Variants in STAG2 observed in about 807,000 individuals in gnomAD.
STAG2 encodes STAG2 cohesin complex component.
STAG2 carries 14 observed loss-of-function variants against 108.1 expected under a neutral mutation model. The observed-to-expected ratio is 0.13, with a 90% CI of 0.09 to 0.20. STAG2 has a LOEUF of 0.20. STAG2 is among the 10% of genes least tolerant of loss of function. STAG2 has a pLI of 1.00. For missense variants in STAG2, 440 were observed against 940.9 expected (o/e 0.47, Z 6.96); for synonymous variants, 307 against 302.7 (o/e 1.01, Z -0.15).
At chrX:124,078,351 T>G (rs2058853073) in intron 27 of STAG2, among the ~76,000 whole-genome samples, 1 of 105,566 alleles carries the variant, frequency 9.5e-6, no homozygotes, top group African/African-American at 3.3e-5. Flanking sequence ...AATCTACTCT[T>G]TTATCCAAGG....
At chrX:124,022,722 A>T in intron 3 of STAG2, 51 bp downstream of exon 3, 2 of 847,560 alleles carry the variant, frequency 2.4e-6, no homozygotes, top group Non-Finnish European at 3.3e-6. Flanking sequence ...ATTCCACAAA[A>T]TGGGGAATGC....
rs759308864 is a variant in STAG2, at chrX:124,083,639, A to AATAATG, written c.3053+90_3053+91insATAATG. The stretch of plus-strand genomic sequence containing the variant: ...CTTGGTTTCTCTCCTTTCTACTCAC[A>AATAATG]CAGAATTGTAGGATTGCATTAATAC... On this transcript the variant is annotated intron_variant, in intron 29 of 34. Transcript: ENST00000371145. The AATAATG allele has an allele frequency of 2.2e-4, 166 of 769,315 alleles. 2 individuals carry two copies. The South Asian group carries it at 5.0e-3, about 23-fold the overall frequency. 63.4% of individuals were successfully genotyped at this position (769,315 alleles called of 1,213,427 possible).
chrX:124,086,985 TAACAC>T (rs2059123756), intron 30 of STAG2, among the ~76,000 whole-genome samples: 1 of 112,544 alleles, frequency 8.9e-6, no homozygotes. Context: ...TGACAGTACT[TAACAC>T]AGAGAGGTTA....
At chrX:123,992,482 C>G (rs749654994) in intron 1 of STAG2, among the ~76,000 whole-genome samples, 2 of 109,771 alleles carry the variant, frequency 1.8e-5, no homozygotes, top group South Asian at 3.9e-4. Context: ...TCTAAGTTTA[C>G]TGCACTCGAA....
At chrX:124,081,909 G>A (rs939877193) in intron 28 of STAG2, among the ~76,000 whole-genome samples, 2 of 111,613 alleles carry the variant, frequency 1.8e-5, no homozygotes, top group African/African-American at 3.3e-5. Context: ...AGAATGGCTC[G>A]AACCTTGGAG....
chrX:124,101,240 T>C lies in STAG2; in HGVS notation c.*643T>C, dbSNP rs1386323197. On this transcript the variant is annotated 3_prime_UTR_variant, in exon 35 of 35. Coordinates refer to ENST00000371145, the MANE Select transcript of STAG2 (RefSeq NM_001042750.2). ...AGCTTCTCTATACTTTTCAGAAATA[T>C]CCAGATGCAGTGAACTGCCAGAAGG... 2.0e-5 allele frequency: 3 copies of C among 151,383 alleles called. No individual in the cohort carries two copies. Among genetic ancestry groups the C allele is most frequent in the East Asian group, 2.0e-4 (2 of 9,864 alleles). 12.5% of individuals were successfully genotyped at this position (151,383 alleles called of 1,213,427 possible).
chrX:124,092,675 T>G, intron 32 of STAG2, among the ~76,000 whole-genome samples: 1 of 112,679 alleles, frequency 8.9e-6, no homozygotes, highest in South Asian at 3.6e-4. Context: ...CATCTTACAA[T>G]GATTTTTCTA....
intron 1 of STAG2, among the ~76,000 whole-genome samples, chrX:124,021,165 A>G (rs942970071): frequency 1.8e-5 from 2 of 112,143 alleles, no homozygotes; most frequent in Admixed American, 9.5e-5. Flanking sequence ...AGGAAATACA[A>G]TGTTTTGAAC....
chrX:124,061,890 T>G lies in STAG2; in HGVS notation c.1638+16T>G, dbSNP rs1331652357. The G allele has an allele frequency of 9.2e-7, 1 of 1,083,472 alleles. No individual in the cohort carries two copies. Among genetic ancestry groups the G allele is most frequent in the South Asian group, 2.1e-5 (1 of 48,598 alleles). 89.3% of individuals were successfully genotyped at this position (1,083,472 alleles called of 1,213,427 possible). On this transcript the variant is annotated intron_variant, in intron 17 of 34. Transcript: ENST00000371145. ...AGGAAAAAGGGTATGCCAATCAATG[T>G]CTTTTCAATATTCTAAACTCCATTT...
intron 7 of STAG2, 138 bp from the exon 8 acceptor site, chrX:124,045,026 C>A: frequency 1.9e-6 from 1 of 514,343 alleles, no homozygotes; most frequent in Non-Finnish European, 3.3e-6. Flanking sequence ...TGTTCTCTTG[C>A]CTACTTTGAG....
intron 1 of STAG2, among the ~76,000 whole-genome samples, chrX:124,020,929 C>T (rs1254165147): frequency 1.8e-5 from 2 of 111,909 alleles, no homozygotes; most frequent in East Asian, 5.7e-4. Context: ...GCCTTGGCCT[C>T]CCAAAGTGCT....
At chrX:123,967,080 T>C (rs1320537883) in intron 1 of STAG2, among the ~76,000 whole-genome samples, 1 of 109,375 alleles carries the variant, frequency 9.1e-6, no homozygotes, top group Non-Finnish European at 1.9e-5. Context: ...AGACAGAGTT[T>C]CACCATGTTG....
chrX:124,034,810 T>C (rs991819729), intron 5 of STAG2, among the ~76,000 whole-genome samples: 5 of 111,180 alleles, frequency 4.5e-5, no homozygotes, highest in African/African-American at 1.6e-4. Flanking sequence ...TCAAAGATCA[T>C]GTGTTATTCA....
intron 33 of STAG2, among the ~76,000 whole-genome samples, chrX:124,095,013 C>T (rs766229876): frequency 1.8e-5 from 2 of 110,786 alleles, no homozygotes; most frequent in African/African-American, 3.3e-5. Context: ...CTGCAAGCTC[C>T]ACCTCCTGGG....
At chrX:124,063,022 A>C (rs770344342) in intron 18 of STAG2, 28 bp downstream of exon 18, 4 of 1,188,844 alleles carry the variant, frequency 3.4e-6, no homozygotes, top group Non-Finnish European at 4.6e-6. Context: ...TCATAGTGTT[A>C]CTAAGAAATG....
intron 32 of STAG2, 49 bp from the exon 33 acceptor site, chrX:124,093,969 A>G (rs371261660): frequency 1.1e-5 from 13 of 1,192,328 alleles, no homozygotes; most frequent in African/African-American, 1.8e-5. Flanking sequence ...CTAGATATTA[A>G]TAGTCACGAC....
rs2056796083 is a variant in STAG2 at position 124,018,224 on chromosome X, C to T, written c.-162-3143C>T. 2.7e-5 allele frequency among the ~76,000 whole-genome samples: 3 copies of T among 112,138 alleles called. No homozygotes were observed. The Admixed American group carries it at 2.8e-4, about 11-fold the overall frequency. On this transcript the variant is annotated intron_variant, in intron 1 of 34. Coordinates refer to ENST00000371145, the MANE Select transcript of STAG2 (RefSeq NM_001042750.2). The stretch of plus-strand genomic sequence containing the variant: ...AAACCTCAAAAGTTTTTTCTAGACA[C>T]TAGGAGAGAGCTCCACCTTGTGATC...
At chrX:123,967,133 C>T (rs1242284847) in intron 1 of STAG2, among the ~76,000 whole-genome samples, 2 of 110,950 alleles carry the variant, frequency 1.8e-5, no homozygotes, top group Non-Finnish European at 3.8e-5. Context: ...GATCCACCCA[C>T]CACAGCCTCC....
In STAG2 at chrX:124,063,473, A is replaced by G. The variant is rs182472839; in HGVS notation, c.1821+268A>G. Among the ~76,000 whole-genome samples, 25 of 111,351 alleles carry G rather than the reference A, an allele frequency of 2.2e-4. No individual in the cohort carries two copies. The Admixed American group carries it at 2.4e-3, about 11-fold the overall frequency. ...ATAGAGACTGGGGGTGGATAACTAG[A>G]TAATAACAATTAGATGAGATTGGGC... On this transcript the variant is annotated intron_variant, in intron 19 of 34. Coordinates refer to ENST00000371145, the MANE Select transcript of STAG2 (RefSeq NM_001042750.2).
Sources: gnomAD v4.1 joint callset for allele counts (sites outside exome capture counted in the v4.1 genomes callset) on GRCh38, gnomAD v4.1.1 for gene constraint, MANE v1.5 for transcripts, NCBI Gene and HGNC (gene_info 2026-07-23, HGNC 2026-07-21) for gene names.